DHX38: variants seen among roughly 807,000 people sequenced by gnomAD.
The protein encoded by DHX38 is pre-mRNA-splicing factor ATP-dependent RNA helicase PRP16.
In DHX38, 100 loss-of-function variants were observed where a neutral mutation model predicts 153.1. That is an observed-to-expected ratio of 0.65 (90% CI 0.56 to 0.77). The LOEUF is 0.77. Ranked by LOEUF, DHX38 falls within the 30% of genes least tolerant of loss-of-function variation. The probability of loss-of-function intolerance (pLI) is 0.00; values close to 1 mark genes in which losing one functional copy is unlikely to be tolerated. For missense variants in DHX38, 1,440 were observed against 1,654.0 expected, an observed-to-expected ratio of 0.87 and a Z score of 2.24; for synonymous variants, 650 against 631.7, an observed-to-expected ratio of 1.03 and a Z score of -0.43.
intron 24 of DHX38, 89 bp from the exon 25 acceptor site, chr16:72,109,326 C>A (rs1371603989): frequency 7.7e-6 from 11 of 1,423,580 alleles, no homozygotes; most frequent in Non-Finnish European, 1.1e-5. Context: ...GGGATTGGGC[C>A]CTTCCCATGT....
intron 19 of DHX38, 62 bp downstream of exon 19, chr16:72,106,179 G>A (rs988409111): frequency 1.7e-5 from 25 of 1,510,104 alleles, no homozygotes; most frequent in African/African-American, 5.5e-5. Context: ...CGTGGAGCCC[G>A]GGCGGGGGCG....
rs1246961556 is a variant in DHX38 at position 72,104,176 on chromosome 16, C to G, written c.2010+45C>G. ...GTCTCTCTGCGCATGGGGTGTTGAC[C>G]AGTGCACCACCAGTAGCTAGTGGGT... On this transcript the variant is annotated intron_variant, in intron 14 of 26. Transcript: ENST00000268482. The surrounding 1 kb of genome is among the most constrained non-coding windows in gnomAD (Gnocchi z 4.5). The G allele has an allele frequency of 3.8e-6, 6 of 1,596,040 alleles. No homozygotes were observed. Among genetic ancestry groups the G allele is most frequent in the African/African-American group, 1.3e-5 (1 of 74,602 alleles).
intron 4 of DHX38, 64 bp from the exon 5 acceptor site, chr16:72,098,581 C>G: frequency 6.4e-7 from 1 of 1,565,532 alleles, no homozygotes; most frequent in South Asian, 1.2e-5. Flanking sequence ...CTTTTGGCAA[C>G]TGGTTCTAGA....
At chr16:72,094,659 A>T (rs2041981882) in intron 1 of DHX38, among the ~76,000 whole-genome samples, 1 of 152,232 alleles carries the variant, frequency 6.6e-6, no homozygotes, top group Admixed American at 6.5e-5. Flanking sequence ...TCAGCAGCTA[A>T]TGAAGTTCTC....
In DHX38 at chr16:72,107,229, TAGTG is replaced by T. The variant is rs2042190506; in HGVS notation, c.2601-110_2601-107del. 1 of 1,134,156 alleles carries T rather than the reference TAGTG, an allele frequency of 8.8e-7. No homozygotes were observed. The highest frequency in any genetic ancestry group is 1.2e-6 in the Non-Finnish European group (1 of 803,232). 70.3% of individuals were successfully genotyped at this position (1,134,156 alleles called of 1,614,324 possible). ...GGTGGAAGTCAGTGATTCACTGAAG[TAGTG>T]GGTGGGGAGAAGAAATGAGAATTTC... On this transcript the variant is annotated intron_variant, in intron 19 of 26. Transcript: ENST00000268482. This position sits in a 1 kb window ranked among gnomAD's most constrained non-coding sequence, Gnocchi z 5.3.
Position 72,112,763 on chromosome 16 carries a change from A to G in DHX38, c.*266A>G. 1.4e-6 allele frequency: 1 copy of G among 702,890 alleles called. No homozygotes were observed. Among genetic ancestry groups the G allele is most frequent in the South Asian group, 1.5e-5 (1 of 67,594 alleles). 43.5% of individuals were successfully genotyped at this position (702,890 alleles called of 1,614,324 possible). ...GGAGGTGGCTGGACCCATCGCATCT[A>G]AAACTGGCCCAGGACACTTGGTGTA... is the stretch of plus-strand genomic sequence containing the variant. On this transcript the variant is annotated 3_prime_UTR_variant, in exon 27 of 27. Transcript: ENST00000268482.
intron 3 of DHX38, 100 bp from the exon 4 acceptor site, chr16:72,097,577 C>T: frequency 9.0e-7 from 1 of 1,115,590 alleles, no homozygotes; most frequent in Non-Finnish European, 1.3e-6. Flanking sequence ...GTGCAGGTTG[C>T]ACCTGTGAGT....
At chr16:72,103,003 G>GCC in intron 11 of DHX38, 71 bp from the exon 12 acceptor site, 2 of 1,581,066 alleles carry the variant, frequency 1.3e-6, no homozygotes, top group Non-Finnish European at 1.7e-6. Flanking sequence ...GTAGGAAGGA[G>GCC]GGCAGCAACC....
intron 4 of DHX38, 130 bp downstream of exon 4, chr16:72,097,911 T>C: frequency 2.2e-6 from 2 of 911,564 alleles, no homozygotes; most frequent in Non-Finnish European, 3.4e-6. Context: ...CATCTTGGGA[T>C]AGTTGGTTCT....
At position 72,103,673 on chromosome 16, in the gene DHX38, A is replaced by G. The variant is rs1324745737; in HGVS notation, c.1709A>G (p.His570Arg). The G allele has an allele frequency of 1.2e-6, 2 of 1,614,152 alleles. No individual in the cohort carries two copies. Among genetic ancestry groups the G allele is most frequent in the Admixed American group, 1.7e-5 (1 of 60,026 alleles). Residue 570 changes from histidine to arginine, a missense_variant, in exon 13 of 27, where the codon CAT becomes CGT. Physicochemically the swap from His to Arg is conservative, Grantham distance 29. Transcript: ENST00000268482. Reference sequence around the variant, plus strand: ...ACCACTCAGCTGACGCAGTACCTGCATGAAGATGGTTACACGGACTATGGG... The same window carrying G: ...ACCACTCAGCTGACGCAGTACCTGCGTGAAGATGGTTACACGGACTATGGG... ...GKTTQLTQYL[H>R]EDGYTDYGMI...
At chr16:72,101,413 G>T in intron 10 of DHX38, 87 bp from the exon 11 acceptor site, 1 of 1,357,306 alleles carries the variant, frequency 7.4e-7, no homozygotes, top group Non-Finnish European at 1.0e-6. Context: ...CCACCTGCGG[G>T]GTGAAGTCTG....
chr16:72,105,456 C>A, intron 17 of DHX38, 61 bp from the exon 18 acceptor site: 1 of 1,606,590 alleles, frequency 6.2e-7, no homozygotes, highest in South Asian at 1.1e-5. Flanking sequence ...GCTTTTCCCC[C>A]TCGCGGAGCC....
chr16:72,107,926 C>T lies in DHX38; in HGVS notation c.2964+127C>T. 7.3e-7 allele frequency: 1 copy of T among 1,365,908 alleles called. No homozygotes were observed. The highest frequency in any genetic ancestry group is 9.8e-7 in the Non-Finnish European group (1 of 1,020,092). 84.6% of individuals were successfully genotyped at this position (1,365,908 alleles called of 1,614,324 possible). On this transcript the variant is annotated intron_variant, in intron 21 of 26. Coordinates refer to ENST00000268482, the MANE Select transcript of DHX38 (RefSeq NM_014003.4). The surrounding 1 kb of genome is among the most constrained non-coding windows in gnomAD (Gnocchi z 5.3). Reference sequence around the variant, plus strand: ...TCAGAGTTTCTGAAGAATGATTTTGCTGTTCTCGGTTAAGCAGGTTGGGGT... The same window carrying T: ...TCAGAGTTTCTGAAGAATGATTTTGTTGTTCTCGGTTAAGCAGGTTGGGGT...
At chr16:72,103,399 C>T (rs2042126966) in intron 12 of DHX38, among the ~76,000 whole-genome samples, 188 bp downstream of exon 12, 1 of 152,232 alleles carries the variant, frequency 6.6e-6, no homozygotes, top group South Asian at 2.1e-4. Context: ...TGTTTTAGCT[C>T]ACCTGTTTAA....
At position 72,108,524 on chromosome 16, in the gene DHX38, A is replaced by C. The variant is rs1402956202; in HGVS notation, c.3172A>C (p.Ser1058Arg). Residue 1058 changes from serine to arginine, a missense_variant, in exon 23 of 27, where the codon AGC becomes CGC. Coordinates refer to ENST00000268482, the MANE Select transcript of DHX38 (RefSeq NM_014003.4). ...LKDIMVQQRM[S>R]LASCGTDWDI... ...GGACATCATGGTGCAGCAGCGGATG[A>C]GCCTGGCCTCGTGTGGCACTGACTG... 1 of 1,614,128 alleles carries C rather than the reference A, an allele frequency of 6.2e-7. No individual in the cohort carries two copies. Among genetic ancestry groups the C allele is most frequent in the South Asian group, 1.1e-5 (1 of 91,086 alleles).
rs1263796341 is a variant in DHX38 at position 72,112,477 on chromosome 16, C to T, written c.3664C>T (p.Pro1222Ser). Residue 1222 changes from proline to serine, a missense_variant, in exon 27 of 27, where the codon CCA (proline) becomes TCA (serine). By Grantham distance (74) the Pro-to-Ser change is moderately conservative. This residue lies in a region of DHX38 where 75 missense variants were observed against 69.5 expected (regional missense o/e 1.08). Coordinates refer to ENST00000268482, the MANE Select transcript of DHX38 (RefSeq NM_014003.4). Reference protein sequence around the residue: ...QGEPMTPRRTPARFGL With the variant: ...QGEPMTPRRTSARFGL The stretch of plus-strand genomic sequence containing the variant: ...GGAGCCCATGACCCCTCGCCGCACG[C>T]CAGCCCGCTTTGGTCTGTGAGCTGA... 6.2e-7 allele frequency: 1 copy of T among 1,612,276 alleles called. No individual in the cohort carries two copies. Among genetic ancestry groups the T allele is most frequent in the Non-Finnish European group, 8.5e-7 (1 of 1,180,030 alleles).
chr16:72,098,911 G>T lies in DHX38; in HGVS notation c.765-16G>T, dbSNP rs1353881814. The stretch of plus-strand genomic sequence containing the variant: ...GCTCAGTGACAGTTTTGTGATGCTG[G>T]TGCTGCTGTTCCCAGGTCTGTGAGG... On this transcript the variant is annotated splice_polypyrimidine_tract_variant and intron_variant, in intron 5 of 26. Transcript: ENST00000268482. The T allele has an allele frequency of 1.9e-6, 3 of 1,614,168 alleles. No individual in the cohort carries two copies. Among genetic ancestry groups the T allele is most frequent in the Non-Finnish European group, 8.5e-7 (1 of 1,179,996 alleles).
chr16:72,105,957 CT>C (rs2042169814), intron 18 of DHX38, 47 bp from the exon 19 acceptor site: 15 of 1,573,090 alleles, frequency 9.5e-6, no homozygotes, highest in Non-Finnish European at 1.3e-5. Context: ...CCTACTTCCA[CT>C]TTCCCCTCAC....
intron 3 of DHX38, chr16:72,097,450 T>G: frequency 1.9e-6 from 1 of 517,122 alleles, no homozygotes; most frequent in Non-Finnish European, 3.5e-6. Context: ...TTTTTTGAAT[T>G]CTTGCTGGAA....
Sources: gnomAD v4.1 joint callset for allele counts (sites outside exome capture counted in the v4.1 genomes callset) on GRCh38, gnomAD v4.1.1 for gene constraint, gnomAD v4.1.1 regional missense constraint, Gnocchi (gnomAD v3.1) non-coding constraint, MANE v1.5 for transcripts, NCBI Gene and HGNC (gene_info 2026-07-23, HGNC 2026-07-21) for gene names.